The following PRKCB variants were observed in gnomAD, a reference collection of about 807,000 sequenced individuals.
PRKCB encodes the protein protein kinase C beta.
PRKCB carries 13 observed loss-of-function variants against 81.5 expected under a neutral mutation model. The ratio of observed to expected loss-of-function variants is 0.16; its 90% CI spans 0.10 to 0.25. The LOEUF (loss-of-function observed/expected upper bound fraction) is 0.25. Among genes scored for constraint, PRKCB ranks in the 10% least tolerant of loss-of-function variants. PRKCB has a pLI of 1.00. For missense variants in PRKCB, 509 were observed against 875.7 expected, an observed-to-expected ratio of 0.58 and a Z score of 5.29; for synonymous variants, 335 against 321.4, an observed-to-expected ratio of 1.04 and a Z score of -0.45.
At chr16:24,032,835 C>T (rs549977927) in intron 4 of PRKCB, among the ~76,000 whole-genome samples, 1 of 152,234 alleles carries the variant, frequency 6.6e-6, no homozygotes, top group Non-Finnish European at 1.5e-5. Flanking sequence ...TGGGAAGGGG[C>T]AGTCCATGGC....
At chr16:24,128,877 A>C (rs1425880253) in intron 9 of PRKCB, among the ~76,000 whole-genome samples, 1 of 152,096 alleles carries the variant, frequency 6.6e-6, no homozygotes, top group Non-Finnish European at 1.5e-5. Context: ...TGAAACTTTG[A>C]GTTTTGCCAA....
At chr16:23,947,543 A>C (rs1214160474) in intron 2 of PRKCB, among the ~76,000 whole-genome samples, 1 of 152,204 alleles carries the variant, frequency 6.6e-6, no homozygotes, top group East Asian at 1.9e-4. Flanking sequence ...AAGTTCTGTG[A>C]ATCTGTGATA....
intron 16 of PRKCB, among the ~76,000 whole-genome samples, chr16:24,202,061 AAAAT>A (rs1472741457): frequency 1.3e-5 from 2 of 152,122 alleles, no homozygotes; most frequent in Non-Finnish European, 2.9e-5. Flanking sequence ...GAAAAAAAGA[AAAAT>A]AAAGCCACTG....
At chr16:24,163,074 A>G (rs997537416) in intron 10 of PRKCB, among the ~76,000 whole-genome samples, 1 of 152,192 alleles carries the variant, frequency 6.6e-6, no homozygotes, top group African/African-American at 2.4e-5. Context: ...TGCATTTCAG[A>G]TCATAGTCCT....
intron 15 of PRKCB, among the ~76,000 whole-genome samples, chr16:24,187,792 C>T (rs1257573487): frequency 6.6e-6 from 1 of 152,222 alleles, no homozygotes; most frequent in Non-Finnish European, 1.5e-5. Context: ...GATCCTCCTG[C>T]CTCTGCCTCC....
chr16:23,895,911 G>A (rs1407568526), intron 2 of PRKCB, among the ~76,000 whole-genome samples: 2 of 152,016 alleles, frequency 1.3e-5, no homozygotes, highest in African/African-American at 4.8e-5. Context: ...CATTTTATTT[G>A]TCTGATAATT....
intron 2 of PRKCB, among the ~76,000 whole-genome samples, chr16:23,841,994 T>C (rs1188514689): frequency 3.3e-5 from 5 of 152,094 alleles, no homozygotes; most frequent in Non-Finnish European, 7.4e-5. Flanking sequence ...TTTGTAGAGA[T>C]AGTGGATCTT....
intron 8 of PRKCB, among the ~76,000 whole-genome samples, chr16:24,119,574 C>A (rs1024210723): frequency 4.4e-5 from 6 of 136,270 alleles, no homozygotes; most frequent in African/African-American, 1.5e-4. Flanking sequence ...TCAAAGAAGG[C>A]AGGACACATG....
rs79371467 is a variant in PRKCB at position 24,104,938 on chromosome 16, A to G, written c.822-8035A>G. 2.8e-3 allele frequency among the ~76,000 whole-genome samples: 420 copies of G among 152,238 alleles called. 2 individuals are homozygous for G. Among genetic ancestry groups the G allele is most frequent in the African/African-American group, 9.6e-3 (397 of 41,542 alleles). ...TTAATGAGATTGAACTGACCTTTGC[A>G]TATGTCCTCTAGTTGTGGTGTGGTC... is the stretch of plus-strand genomic sequence containing the variant. On this transcript the variant is annotated intron_variant, in intron 7 of 16. Transcript: ENST00000643927.
chr16:24,171,287 C>A (rs1178346479), intron 10 of PRKCB, among the ~76,000 whole-genome samples: 1 of 152,194 alleles, frequency 6.6e-6, no homozygotes, highest in Admixed American at 6.5e-5. Context: ...TTGGTGCTGG[C>A]TGCTGGCAGG....
chr16:23,847,318 C>CTCTATCTA lies in PRKCB; in HGVS notation c.205+9964_205+9971dup, dbSNP rs746347042. ...TTGGGTGGGTAAAATATGATCCTGC[C>CTCTATCTA]TCTATCTATCTATCTATCTATCTAT... On this transcript the variant is annotated intron_variant, in intron 2 of 16. Coordinates refer to ENST00000643927, the MANE Select transcript of PRKCB (RefSeq NM_002738.7). 1.4e-5 allele frequency among the ~76,000 whole-genome samples: 2 copies of CTCTATCTA among 144,142 alleles called. 1 individual carries two copies. Among genetic ancestry groups the CTCTATCTA allele is most frequent in the Non-Finnish European group, 3.1e-5 (2 of 65,526 alleles). 94.6% of individuals were successfully genotyped at this position (144,142 alleles called of 152,430 possible).
chr16:24,021,735 G>A (rs1213381416), intron 3 of PRKCB, among the ~76,000 whole-genome samples: 1 of 151,986 alleles, frequency 6.6e-6, no homozygotes, highest in Non-Finnish European at 1.5e-5. Context: ...TTGTGACCTT[G>A]GGCAAGTTAC....
intron 2 of PRKCB, among the ~76,000 whole-genome samples, chr16:23,840,196 G>C (rs1276686794): frequency 6.6e-6 from 1 of 152,116 alleles, no homozygotes; most frequent in African/African-American, 2.4e-5. Flanking sequence ...GATTGTTCTT[G>C]GTATCAGATA....
chr16:23,865,852 AGG>A (rs1466493802), intron 2 of PRKCB, among the ~76,000 whole-genome samples: 1 of 151,740 alleles, frequency 6.6e-6, no homozygotes, highest in Non-Finnish European at 1.5e-5. Context: ...AGCCCAGAAG[AGG>A]GAGGCCTCTC....
At chr16:23,978,556 T>C (rs1240148924) in intron 2 of PRKCB, among the ~76,000 whole-genome samples, 1 of 152,192 alleles carries the variant, frequency 6.6e-6, no homozygotes, top group Non-Finnish European at 1.5e-5. Context: ...GGTATTGATT[T>C]GTTTGTGGAA....
intron 2 of PRKCB, among the ~76,000 whole-genome samples, chr16:23,927,107 G>A (rs1437515961): frequency 6.6e-6 from 1 of 152,158 alleles, no homozygotes; most frequent in Non-Finnish European, 1.5e-5. Context: ...GGTGAGATAT[G>A]TGCTGTGATG....
intron 3 of PRKCB, among the ~76,000 whole-genome samples, chr16:24,012,572 T>C (rs1965217889): frequency 6.6e-6 from 1 of 152,260 alleles, no homozygotes; most frequent in African/African-American, 2.4e-5. Flanking sequence ...GTCATCCTCT[T>C]TGTTGAAAAC....
chr16:24,003,068 T>C (rs1237549214), intron 3 of PRKCB, among the ~76,000 whole-genome samples: 2 of 152,054 alleles, frequency 1.3e-5, no homozygotes. Flanking sequence ...CAGATCATCT[T>C]CTCTATGTAA....
intron 5 of PRKCB, among the ~76,000 whole-genome samples, chr16:24,068,956 A>G (rs1461172048): frequency 1.3e-5 from 2 of 152,244 alleles, no homozygotes; most frequent in African/African-American, 4.8e-5. Flanking sequence ...AATAAGAGCC[A>G]ATAATAACAA....
Sources: gnomAD v4.1 joint callset for allele counts (sites outside exome capture counted in the v4.1 genomes callset) on GRCh38, gnomAD v4.1.1 for gene constraint, MANE v1.5 for transcripts, NCBI Gene and HGNC (gene_info 2026-07-23, HGNC 2026-07-21) for gene names.